LUC7L2: variants seen among roughly 807,000 people sequenced by gnomAD.
The protein encoded by LUC7L2 is LUC7 like 2, pre-mRNA splicing factor, also known as putative RNA-binding protein Luc7-like 2.
A neutral mutation model predicts 52.8 loss-of-function variants in LUC7L2; 25 were observed. That is an observed-to-expected ratio of 0.47 (90% CI 0.34 to 0.66). LUC7L2 has a LOEUF of 0.66. LUC7L2 is among the 30% of genes least tolerant of loss of function. The pLI, the probability that LUC7L2 is intolerant of heterozygous loss-of-function variation, is 0.01. For synonymous variants in LUC7L2, 144 were observed against 160.9 expected, an observed-to-expected ratio of 0.89 and a Z score of 0.80; for missense variants, 328 against 497.8, an observed-to-expected ratio of 0.66 and a Z score of 3.25.
At chr7:139,419,138 AAAAC>A (rs1795769013) in intron 9 of LUC7L2, among the ~76,000 whole-genome samples, 1 of 151,894 alleles carries the variant, frequency 6.6e-6, no homozygotes, top group Non-Finnish European at 1.5e-5. Context: ...AACAAAAAAA[AAAAC>A]AAAAAGTCTC....
At chr7:139,361,914 G>A (rs1799904355) in intron 1 of LUC7L2, among the ~76,000 whole-genome samples, 1 of 152,114 alleles carries the variant, frequency 6.6e-6, no homozygotes. Context: ...CTTCTTCATG[G>A]ATTGGATTTC....
chr7:139,357,530 C>T (rs1033701727), upstream of LUC7L2, among the ~76,000 whole-genome samples: 5 of 152,070 alleles, frequency 3.3e-5, no homozygotes, highest in Non-Finnish European at 7.4e-5. Flanking sequence ...ACATTGTGTA[C>T]ATAATAGTGT....
intron 2 of LUC7L2, chr7:139,392,693 T>C: frequency 5.1e-6 from 1 of 195,644 alleles, no homozygotes; most frequent in Non-Finnish European, 1.1e-5. Flanking sequence ...TTCGCTCTTG[T>C]TGCCCAGGCT....
intron 2 of LUC7L2, among the ~76,000 whole-genome samples, chr7:139,392,052 A>G (rs1452547264): frequency 6.6e-6 from 1 of 152,170 alleles, no homozygotes; most frequent in African/African-American, 2.4e-5. Context: ...TCCACTTGGT[A>G]TATCAAGAAC....
In LUC7L2 at chr7:139,360,093, C is replaced by T. The variant is rs1350177388; in HGVS notation, c.-169C>T. On this transcript the variant is annotated 5_prime_UTR_variant, in exon 1 of 10. Transcript: ENST00000354926. Reference sequence around the variant, plus strand: ...CACGTACACGTCGTCGTGAGGAGCGCAGTCCGGACTCTTCCCGCAACCCCT... The same window carrying T: ...CACGTACACGTCGTCGTGAGGAGCGTAGTCCGGACTCTTCCCGCAACCCCT... 1.8e-6 allele frequency: 1 copy of T among 570,134 alleles called. No individual in the cohort carries two copies. Among genetic ancestry groups the T allele is most frequent in the East Asian group, 3.2e-5 (1 of 30,950 alleles). 35.3% of individuals were successfully genotyped at this position (570,134 alleles called of 1,614,324 possible).
At chr7:139,356,301 C>T (rs1167679715), upstream of LUC7L2, among the ~76,000 whole-genome samples, 1 of 114,710 alleles carries the variant, frequency 8.7e-6, no homozygotes, top group Non-Finnish European at 1.7e-5. Flanking sequence ...GGTGACAGAG[C>T]AAGACCCTAT....
At chr7:139,363,145 C>T in intron 1 of LUC7L2, 2 of 933,662 alleles carry the variant, frequency 2.1e-6, no homozygotes, top group Non-Finnish European at 2.6e-6. Flanking sequence ...GGGCCAAAGA[C>T]AAACTCTGCC....
intron 2 of LUC7L2, among the ~76,000 whole-genome samples, chr7:139,394,614 C>T (rs1057194744): frequency 2.6e-5 from 4 of 151,756 alleles, no homozygotes; most frequent in Admixed American, 6.6e-5. Context: ...TTGTTGAATA[C>T]GGATTGGAAA....
chr7:139,394,445 A>C (rs1262069317), intron 2 of LUC7L2, among the ~76,000 whole-genome samples: 1 of 152,226 alleles, frequency 6.6e-6, no homozygotes, highest in South Asian at 2.1e-4. Flanking sequence ...TCTTGTGTTC[A>C]TTTTGTTCTT....
intron 1 of LUC7L2, among the ~76,000 whole-genome samples, chr7:139,364,758 A>G (rs919108238): frequency 6.6e-6 from 1 of 152,248 alleles, no homozygotes; most frequent in African/African-American, 2.4e-5. Flanking sequence ...CAAAGTTTGA[A>G]GTAGTGCGTT....
At chr7:139,357,982 G>A (rs1799658061), upstream of LUC7L2, among the ~76,000 whole-genome samples, 1 of 146,018 alleles carries the variant, frequency 6.8e-6, no homozygotes, top group South Asian at 2.2e-4. Flanking sequence ...GAGCCACTGC[G>A]TCCGACCTCA....
intron 2 of LUC7L2, among the ~76,000 whole-genome samples, chr7:139,397,875 A>G (rs1569385826): frequency 6.6e-6 from 1 of 152,216 alleles, no homozygotes; most frequent in African/African-American, 2.4e-5. Flanking sequence ...CATGCTTATT[A>G]TAAGTGGGAT....
At chr7:139,395,533 T>C (rs934121373) in intron 2 of LUC7L2, among the ~76,000 whole-genome samples, 1 of 152,214 alleles carries the variant, frequency 6.6e-6, no homozygotes, top group Non-Finnish European at 1.5e-5. Flanking sequence ...CAGTGATGAG[T>C]CCTCATTATT....
chr7:139,404,482 C>T (rs1032799509), intron 4 of LUC7L2, among the ~76,000 whole-genome samples: 1 of 152,194 alleles, frequency 6.6e-6, no homozygotes, highest in African/African-American at 2.4e-5. Context: ...GCACTCCAGC[C>T]TGGGCGACAG....
Position 139,405,771 on chromosome 7 carries a change from A to C in LUC7L2, c.494A>C (p.Lys165Thr), listed in dbSNP as rs756780499. Reference sequence around the variant, plus strand: ...GATGAAGTAGAGAAAGCACGGGCAAAGAAAAGAGAAGCAGAGGTAAATTCT... The same window carrying C: ...GATGAAGTAGAGAAAGCACGGGCAACGAAAAGAGAAGCAGAGGTAAATTCT... ...VMDEVEKARA[K>T]KREAEEVYRN... is the part of the protein sequence containing the mutation. Residue 165 changes from lysine to threonine, a missense_variant, in exon 5 of 10, where the codon AAG becomes ACG. Transcript: ENST00000354926. 6.8e-6 allele frequency: 11 copies of C among 1,605,898 alleles called. No individual in the cohort carries two copies.
Position 139,360,175 on chromosome 7 carries a change from CT to C in LUC7L2, c.-85del. ...GGCGGCCACCGAGACAGCAGCGCAC[CT>C]TCCCCCATCCCTTCCCCTTATCCCC... On this transcript the variant is annotated 5_prime_UTR_variant, in exon 1 of 10. Coordinates refer to ENST00000354926, the MANE Select transcript of LUC7L2 (RefSeq NM_016019.5). The C allele has an allele frequency of 9.7e-7, 1 of 1,033,034 alleles. No individual in the cohort carries two copies. Among genetic ancestry groups the C allele is most frequent in the Non-Finnish European group, 1.4e-6 (1 of 707,254 alleles). The allele number at this position is 1,033,034 out of a possible 1,614,324, so 64.0% of individuals were successfully genotyped here.
intron 2 of LUC7L2, among the ~76,000 whole-genome samples, chr7:139,381,370 TTTTA>T (rs1175189637): frequency 1.1e-5 from 1 of 92,892 alleles, no homozygotes; most frequent in Non-Finnish European, 2.2e-5. Context: ...TTTTATTTTA[TTTTA>T]TTTTTATTTT....
At chr7:139,419,091 CAG>C (rs1467550128) in intron 9 of LUC7L2, among the ~76,000 whole-genome samples, 1 of 149,478 alleles carries the variant, frequency 6.7e-6, no homozygotes, top group East Asian at 2.0e-4. Context: ...GCCTGGGTGA[CAG>C]AGCGAGACTC....
At chr7:139,351,240 A>C (rs28395455) in intron 1 of LUC7L2, among the ~76,000 whole-genome samples, 1 of 152,042 alleles carries the variant, frequency 6.6e-6, no homozygotes, top group Non-Finnish European at 1.5e-5. Flanking sequence ...AGTTATCTCA[A>C]ATTCAATGTG....
Sources: allele counts gnomAD v4.1 joint callset (sites outside exome capture counted in the v4.1 genomes callset), GRCh38; gene constraint gnomAD v4.1.1; transcripts MANE v1.5; gene names NCBI Gene and HGNC (gene_info 2026-07-23, HGNC 2026-07-21).